Variants in KCNN2 observed in about 807,000 individuals in gnomAD.
KCNN2 encodes the protein potassium calcium-activated channel subfamily N member 2.
A neutral mutation model predicts 55.5 loss-of-function variants in KCNN2; 24 were observed. That is an observed-to-expected ratio of 0.43 (90% CI 0.31 to 0.61). KCNN2 has a LOEUF of 0.61. Ranked by LOEUF, KCNN2 falls within the 20% of genes least tolerant of loss-of-function variation. KCNN2 has a pLI of 0.08. For missense variants in KCNN2, 754 were observed against 853.6 expected, an observed-to-expected ratio of 0.88 and a Z score of 1.45; for synonymous variants, 431 against 336.1, an observed-to-expected ratio of 1.28 and a Z score of -3.09.
rs11956944 is a variant in KCNN2 at position 114,270,010 on chromosome 5, T to C, written c.-185+48445T>C. ...TTATAAGCTGTTCATAAGAACATGCTGATCTCCTAGCATTTAAATGGCACT... is the reference window on the plus strand; with the variant it reads ...TTATAAGCTGTTCATAAGAACATGCCGATCTCCTAGCATTTAAATGGCACT... On this transcript the variant is annotated intron_variant, in intron 2 of 10. Transcript: ENST00000512097. 2.3e-3 allele frequency among the ~76,000 whole-genome samples: 344 copies of C among 152,338 alleles called. 1 individual carries two copies. The highest frequency in any genetic ancestry group is 7.8e-3 in the African/African-American group (326 of 41,574).
chr5:114,436,356 A>C (rs968255747), intron 3 of KCNN2, among the ~76,000 whole-genome samples: 2 of 152,178 alleles, frequency 1.3e-5, no homozygotes, highest in African/African-American at 4.8e-5. Flanking sequence ...TTTGGATTTT[A>C]GTGTATAATC....
intron 2 of KCNN2, among the ~76,000 whole-genome samples, chr5:114,236,549 T>C (rs1561534713): frequency 1.3e-5 from 2 of 152,114 alleles, no homozygotes; most frequent in Non-Finnish European, 2.9e-5. Flanking sequence ...ATCATATAAA[T>C]CTTTTGCCTT....
chr5:114,467,284 TC>T (rs1275318743), intron 4 of KCNN2, among the ~76,000 whole-genome samples: 1 of 152,214 alleles, frequency 6.6e-6, no homozygotes, highest in Non-Finnish European at 1.5e-5. Context: ...ATACTCCTCT[TC>T]CTGTAACACT....
rs1172229154 is a variant in KCNN2, at chr5:114,233,486, A to G, written c.-185+11921A>G. 1.3e-5 allele frequency among the ~76,000 whole-genome samples: 2 copies of G among 152,164 alleles called. 1 individual carries two copies. The highest frequency in any genetic ancestry group is 3.9e-4 in the East Asian group (2 of 5,184). ...TTTTTTGTTTTTCAATAGGACCATA[A>G]CACTCTCTCCTGATCATTTACATGT... On this transcript the variant is annotated intron_variant, in intron 2 of 10. Transcript: ENST00000512097.
chr5:114,451,964 A>G (rs1236286922), intron 3 of KCNN2, among the ~76,000 whole-genome samples: 1 of 151,538 alleles, frequency 6.6e-6, no homozygotes, highest in East Asian at 1.9e-4. Context: ...ATGTAGCAGC[A>G]TTATACTGCC....
rs1430656640 is a variant in KCNN2 at position 114,330,189 on chromosome 5, T to C, written c.-184-30756T>C. On this transcript the variant is annotated intron_variant, in intron 2 of 10. Transcript: ENST00000512097. ...GTTCCAGTATAAGATATAATGCTGA[T>C]GCTGTACTCAGATTCCCCTCCAGCT... Among the ~76,000 whole-genome samples the C allele has an allele frequency of 1.3e-5, 2 of 152,218 alleles. 1 individual carries two copies. Among genetic ancestry groups the C allele is most frequent in the South Asian group, 4.1e-4 (2 of 4,834 alleles).
intron 1 of KCNN2, among the ~76,000 whole-genome samples, chr5:114,067,198 C>A (rs1333696646): frequency 6.6e-6 from 1 of 152,126 alleles, no homozygotes; most frequent in Non-Finnish European, 1.5e-5. Flanking sequence ...TGGGCCAGAG[C>A]AATATTGTTC....
At chr5:114,491,000 AAAC>A (rs1448145079) in intron 6 of KCNN2, among the ~76,000 whole-genome samples, 9 of 152,220 alleles carry the variant, frequency 5.9e-5, no homozygotes, top group Non-Finnish European at 1.3e-4. Flanking sequence ...TATAAGAAAC[AAAC>A]AACAAGACAA....
At chr5:114,274,568 T>C (rs1755443984) in intron 2 of KCNN2, among the ~76,000 whole-genome samples, 1 of 152,176 alleles carries the variant, frequency 6.6e-6, no homozygotes, top group African/African-American at 2.4e-5. Flanking sequence ...TTAAGTTGTA[T>C]TCCTAGGTAT....
chr5:114,368,273 A>T (rs1757663853), intron 2 of KCNN2, among the ~76,000 whole-genome samples: 1 of 152,188 alleles, frequency 6.6e-6, no homozygotes, highest in Non-Finnish European at 1.5e-5. Context: ...TAATTATATA[A>T]TAAATAGCAT....
intron 2 of KCNN2, among the ~76,000 whole-genome samples, chr5:114,290,555 A>G (rs149099217): frequency 0.01 from 1,569 of 151,234 alleles, 17 homozygotes; most frequent in Middle Eastern, 0.017. Context: ...TGTTTCATTT[A>G]TTTTCTTCAT....
rs555301073 is a variant in KCNN2 at position 114,191,784 on chromosome 5, A to G, written c.-270-29696A>G. On this transcript the variant is annotated intron_variant, in intron 1 of 10. Coordinates refer to the KCNN2 transcript ENST00000512097. The stretch of plus-strand genomic sequence containing the variant: ...TTTGGCCTTGGAACCCTGCATTTCC[A>G]TTTGAAAAAGGCAGACAATGTATTT... Among the ~76,000 whole-genome samples the G allele has an allele frequency of 4.6e-5, 7 of 152,280 alleles. No homozygotes were observed. The East Asian group carries it at 1.2e-3, about 25-fold the overall frequency.
chr5:114,258,401 C>T lies in KCNN2; in HGVS notation c.-185+36836C>T, dbSNP rs555850200. ...TTCTATCCTCCTCAATTTGGGGGAA[C>T]GATTTTGGTAGGAATGGTACCAGTT... On this transcript the variant is annotated intron_variant, in intron 2 of 10. Transcript: ENST00000512097. 3.9e-5 allele frequency among the ~76,000 whole-genome samples: 6 copies of T among 151,980 alleles called. No individual in the cohort carries two copies. The East Asian group carries it at 1.2e-3, about 29-fold the overall frequency.
At chr5:114,360,674 T>C (rs1757391284), upstream of KCNN2, among the ~76,000 whole-genome samples, 1 of 152,180 alleles carries the variant, frequency 6.6e-6, no homozygotes, top group African/African-American at 2.4e-5. Context: ...CACAGGGAAT[T>C]TGTGAGACAC....
At chr5:114,484,408 T>G (rs911839130) in intron 5 of KCNN2, among the ~76,000 whole-genome samples, 5 of 152,196 alleles carry the variant, frequency 3.3e-5, no homozygotes, top group African/African-American at 1.2e-4. Flanking sequence ...AAGCCCAGGC[T>G]TCATTACTAC....
intron 2 of KCNN2, among the ~76,000 whole-genome samples, chr5:114,314,879 G>A (rs1756468827): frequency 6.6e-6 from 1 of 152,104 alleles, no homozygotes; most frequent in Non-Finnish European, 1.5e-5. Flanking sequence ...TGCTCTTGAG[G>A]ACCCTCTAAA....
intron 4 of KCNN2, among the ~76,000 whole-genome samples, chr5:114,470,261 A>T (rs1289234833): frequency 6.6e-6 from 1 of 152,202 alleles, no homozygotes; most frequent in Non-Finnish European, 1.5e-5. Flanking sequence ...AGGGGAGAAC[A>T]ATATTCAACT....
At chr5:114,317,428 A>G (rs1259400822) in intron 2 of KCNN2, among the ~76,000 whole-genome samples, 1 of 152,204 alleles carries the variant, frequency 6.6e-6, no homozygotes, top group African/African-American at 2.4e-5. Flanking sequence ...AAATATCTGA[A>G]ATCGCTCATG....
chr5:114,450,118 C>T (rs1020725397), intron 3 of KCNN2, among the ~76,000 whole-genome samples: 8 of 152,194 alleles, frequency 5.3e-5, no homozygotes, highest in Non-Finnish European at 7.4e-5. Context: ...TCTGAGGTGC[C>T]GTGCATCCGT....
Sources: allele counts gnomAD v4.1 joint callset (sites outside exome capture counted in the v4.1 genomes callset), GRCh38; gene constraint gnomAD v4.1.1; transcripts MANE v1.5; gene names NCBI Gene and HGNC (gene_info 2026-07-23, HGNC 2026-07-21).